ACSBG2: variants seen among roughly 807,000 people sequenced by gnomAD.
The protein encoded by ACSBG2 is long-chain-fatty-acid--CoA ligase ACSBG2.
Under a neutral mutation model 74.7 loss-of-function variants are expected in ACSBG2, and 62 were observed. That is an observed-to-expected ratio of 0.83 (90% CI 0.68 to 1.03). The LOEUF (loss-of-function observed/expected upper bound fraction) is 1.03. Ranked by LOEUF, ACSBG2 falls within the 50% of genes least tolerant of loss-of-function variation. ACSBG2 has a pLI of 0.00. For synonymous variants in ACSBG2, 309 were observed against 294.1 expected, an observed-to-expected ratio of 1.05 and a Z score of -0.52; for missense variants, 730 against 817.6, an observed-to-expected ratio of 0.89 and a Z score of 1.31.
chr19:6,136,091 C>G (rs1191653179), intron 1 of ACSBG2, among the ~76,000 whole-genome samples, 182 bp downstream of exon 1: 1 of 151,376 alleles, frequency 6.6e-6, no homozygotes, highest in East Asian at 1.9e-4. Context: ...CAGGCGCCTG[C>G]CACCATGTCC....
intron 6 of ACSBG2, among the ~76,000 whole-genome samples, chr19:6,164,054 G>A (rs980830449): frequency 8.5e-5 from 13 of 152,200 alleles, no homozygotes; most frequent in Admixed American, 2.6e-4. Context: ...GAAAATGGCC[G>A]AGTAAGACAA....
rs2090032713 is a variant in ACSBG2, at chr19:6,174,025, C to T, written c.739-3204C>T. ...AATCTCGACTCACTGCAACCTCTGCCTCCCAATTTCAAGCGATTCCCCCAC... is the reference window on the plus strand; with the variant it reads ...AATCTCGACTCACTGCAACCTCTGCTTCCCAATTTCAAGCGATTCCCCCAC... On this transcript the variant is annotated intron_variant, in intron 7 of 14. Transcript: ENST00000588485. This position sits in a 1 kb window ranked among gnomAD's most constrained non-coding sequence, Gnocchi z 4.2. Among the ~76,000 whole-genome samples the T allele has an allele frequency of 6.6e-6, 1 of 151,706 alleles. No homozygotes were observed. Among genetic ancestry groups the T allele is most frequent in the Admixed American group, 6.6e-5 (1 of 15,216 alleles).
chr19:6,187,578 G>A (rs746051196), intron 12 of ACSBG2, 21 bp from the exon 13 acceptor site: 10 of 1,613,828 alleles, frequency 6.2e-6, no homozygotes, highest in Non-Finnish European at 8.5e-6. Flanking sequence ...CATGGGTGGT[G>A]ACAGAGGTGT....
At position 6,156,369 on chromosome 19, in the gene ACSBG2, C is replaced by A. The variant is rs1157388787; in HGVS notation, c.387-62C>A. The A allele has an allele frequency of 2.6e-6, 4 of 1,511,034 alleles. No homozygotes were observed. The East Asian group carries it at 1.0e-4, about 39-fold the overall frequency. 93.6% of individuals were successfully genotyped at this position (1,511,034 alleles called of 1,614,324 possible). A position where few individuals can be genotyped will look rare whatever the true frequency, so the allele number is the denominator to read the frequency against. ...CAAACCTTTCCTCTCTTTTGACCTT[C>A]CAGACCATTCTGCCTTTAAGGTGTG... On this transcript the variant is annotated intron_variant, in intron 4 of 14. Transcript: ENST00000588485.
intron 8 of ACSBG2, among the ~76,000 whole-genome samples, chr19:6,182,071 G>A (rs930547308): frequency 3.3e-5 from 5 of 152,092 alleles, no homozygotes; most frequent in African/African-American, 7.2e-5. Context: ...CAGGACGGTT[G>A]TTCACCCTAC....
Position 6,137,217 on chromosome 19 carries a change from G to A in ACSBG2, c.-32+1308G>A, listed in dbSNP as rs936072924. On this transcript the variant is annotated intron_variant, in intron 1 of 14. Coordinates refer to ENST00000588485, the MANE Select transcript of ACSBG2 (RefSeq NM_030924.5). The stretch of plus-strand genomic sequence containing the variant: ...GGCCGAGGTGGCGGGGTTGGGGGGG[G>A]GGGGGGGGCTTGCTTGAGGCCAGGA... 4.1e-5 allele frequency: 6 copies of A among 146,492 alleles called. 2 individuals carry two copies. The highest frequency in any genetic ancestry group is 7.6e-5 in the Non-Finnish European group (5 of 65,814). The allele number at this position is 146,492 out of a possible 1,614,324, so 9.1% of individuals were successfully genotyped here. A position where few individuals can be genotyped will look rare whatever the true frequency, so the allele number is the denominator to read the frequency against.
intron 11 of ACSBG2, among the ~76,000 whole-genome samples, chr19:6,186,840 G>A (rs1257862020): frequency 6.6e-6 from 1 of 152,104 alleles, no homozygotes; most frequent in Non-Finnish European, 1.5e-5. Context: ...GAGTAACTAG[G>A]ACTACAGGCG....
In ACSBG2 at chr19:6,190,617, C is replaced by G; in HGVS notation, c.1961C>G (p.Ala654Gly). Residue 654 changes from alanine to glycine, a missense_variant, in exon 14 of 15, where the codon GCC (alanine) becomes GGC (glycine). Ala to Gly is a moderately conservative substitution (Grantham distance 60, BLOSUM62 0). Transcript: ENST00000588485. ...ATGAAACTTAAGAGACATTTTGTAG[C>G]CCAGAAATACAAAAAACAAATTGAT... ...PMMKLKRHFV[A>G]QKYKKQIDHM... 6.2e-7 allele frequency: 1 copy of G among 1,613,976 alleles called. No homozygotes were observed. Among genetic ancestry groups the G allele is most frequent in the South Asian group, 1.1e-5 (1 of 91,072 alleles).
At chr19:6,141,824 T>G (rs554999467) in intron 2 of ACSBG2, among the ~76,000 whole-genome samples, 69 of 151,950 alleles carry the variant, frequency 4.5e-4, no homozygotes, top group Non-Finnish European at 8.4e-4. Flanking sequence ...GCCTTGACCT[T>G]CCAGGCTCAA....
intron 4 of ACSBG2, among the ~76,000 whole-genome samples, chr19:6,153,017 G>A (rs2089290277): frequency 6.6e-6 from 1 of 152,184 alleles, no homozygotes; most frequent in Admixed American, 6.5e-5. Flanking sequence ...GCCAAGGCAG[G>A]CGGATCACAA....
intron 3 of ACSBG2, among the ~76,000 whole-genome samples, chr19:6,148,840 T>C (rs1277813359): frequency 6.6e-6 from 1 of 152,014 alleles, no homozygotes; most frequent in African/African-American, 2.4e-5. Context: ...CGGTGGCTCA[T>C]GCCTGTAATC....
At chr19:6,190,146 C>T (rs545121753) in intron 13 of ACSBG2, 1 of 178,632 alleles carries the variant, frequency 5.6e-6, no homozygotes, top group South Asian at 1.3e-4. Flanking sequence ...CCTGGTGACT[C>T]AGAGGCTTTC....
intron 3 of ACSBG2, among the ~76,000 whole-genome samples, chr19:6,148,578 G>A (rs994782937): frequency 8.6e-5 from 13 of 151,890 alleles, no homozygotes; most frequent in African/African-American, 3.1e-4. Flanking sequence ...CTCGGAGGTC[G>A]AGGCTGCAAT....
chr19:6,148,901 G>A (rs1426629004), intron 3 of ACSBG2, among the ~76,000 whole-genome samples: 2 of 152,142 alleles, frequency 1.3e-5, no homozygotes, highest in Non-Finnish European at 2.9e-5. Context: ...GAGGTCAAGA[G>A]TTTGAGACCA....
intron 8 of ACSBG2, among the ~76,000 whole-genome samples, chr19:6,181,724 A>G (rs1221681386): frequency 2.0e-5 from 3 of 149,580 alleles, no homozygotes; most frequent in Non-Finnish European, 4.4e-5. Flanking sequence ...GGTAATTTTC[A>G]TGTTTGGTGA....
intron 6 of ACSBG2, among the ~76,000 whole-genome samples, chr19:6,164,589 C>T (rs1457763502): frequency 6.6e-6 from 1 of 152,112 alleles, no homozygotes; most frequent in Non-Finnish European, 1.5e-5. Flanking sequence ...CCTGCCACCA[C>T]ACCCGGCTAA....
chr19:6,157,991 T>C (rs2089479018), intron 5 of ACSBG2, among the ~76,000 whole-genome samples: 1 of 152,144 alleles, frequency 6.6e-6, no homozygotes, highest in Non-Finnish European at 1.5e-5. Flanking sequence ...TCTTCCTTTC[T>C]AGCTGTGTTT....
intron 6 of ACSBG2, 87 bp downstream of exon 6, chr19:6,161,382 G>A: frequency 2.3e-6 from 3 of 1,327,348 alleles, no homozygotes; most frequent in Non-Finnish European, 3.2e-6. Context: ...GGTGAGCAGA[G>A]GGAGGAGGTC....
chr19:6,187,501 G>A, intron 12 of ACSBG2, 79 bp downstream of exon 12: 3 of 1,602,916 alleles, frequency 1.9e-6, no homozygotes, highest in Non-Finnish European at 2.6e-6. Flanking sequence ...GGGTCAAGAG[G>A]ATGCATCTGT....
Sources: gnomAD v4.1 joint callset for allele counts (sites outside exome capture counted in the v4.1 genomes callset) on GRCh38, gnomAD v4.1.1 for gene constraint, Gnocchi (gnomAD v3.1) non-coding constraint, MANE v1.5 for transcripts, NCBI Gene and HGNC (gene_info 2026-07-23, HGNC 2026-07-21) for gene names.